The following IL1RAPL2 variants were observed in gnomAD, a reference collection of about 807,000 sequenced individuals.
The protein encoded by IL1RAPL2 is X-linked interleukin-1 receptor accessory protein-like 2.
In IL1RAPL2, 3 loss-of-function variants were observed where a neutral mutation model predicts 44.1. That is an observed-to-expected ratio of 0.07 (90% CI 0.03 to 0.18). IL1RAPL2 has a LOEUF of 0.18. Ranked by LOEUF, IL1RAPL2 falls within the 10% of genes least tolerant of loss-of-function variation. IL1RAPL2 has a pLI of 1.00. For synonymous variants in IL1RAPL2, 181 were observed against 178.8 expected (o/e 1.01, Z -0.10); for missense variants, 391 against 496.4 (o/e 0.79, Z 2.02).
chrX:104,891,761 C>G (rs945722657), intron 2 of IL1RAPL2, among the ~76,000 whole-genome samples: 3 of 111,639 alleles, frequency 2.7e-5, no homozygotes, highest in African/African-American at 9.8e-5. Context: ...TTGACTTCCT[C>G]TTTTCCTAAT....
intron 1 of IL1RAPL2, among the ~76,000 whole-genome samples, chrX:104,571,834 CAG>C (rs1040103069): frequency 8.9e-6 from 1 of 111,850 alleles, no homozygotes; most frequent in African/African-American, 3.2e-5. Context: ...TTGCCTAACC[CAG>C]AGAGTCCATA....
chrX:105,405,963 G>T (rs1260967733), intron 5 of IL1RAPL2: 5 of 1,193,227 alleles, frequency 4.2e-6, no homozygotes, highest in Non-Finnish European at 5.7e-6. Flanking sequence ...ATCATTTATT[G>T]ATCCTCAGAC....
intron 6 of IL1RAPL2, among the ~76,000 whole-genome samples, chrX:105,678,197 A>G (rs1157350528): frequency 8.9e-6 from 1 of 112,399 alleles, no homozygotes; most frequent in Non-Finnish European, 1.9e-5. Context: ...ACACATGAGC[A>G]ATAAACTTTT....
intron 2 of IL1RAPL2, among the ~76,000 whole-genome samples, chrX:105,120,596 G>A (rs193042542): frequency 2.3e-3 from 259 of 111,475 alleles, no homozygotes; most frequent in Admixed American, 5.2e-3. Flanking sequence ...ATATATTGTG[G>A]ACTGAGGATC....
At chrX:105,202,760 C>T (rs563377108) in intron 3 of IL1RAPL2, among the ~76,000 whole-genome samples, 9 of 111,629 alleles carry the variant, frequency 8.1e-5, no homozygotes, top group African/African-American at 2.9e-4. Flanking sequence ...TTTCTCCCTT[C>T]ATCTTACTCG....
Position 104,836,897 on chromosome X carries a change from A to G in IL1RAPL2, c.82+177902A>G, listed in dbSNP as rs142311988. Among the ~76,000 whole-genome samples, 113 of 109,426 alleles carry G rather than the reference A, an allele frequency of 1.0e-3. 2 individuals are homozygous for G. Among genetic ancestry groups the G allele is most frequent in the Admixed American group, 9.2e-3 (93 of 10,121 alleles). On this transcript the variant is annotated intron_variant, in intron 2 of 10. Coordinates refer to ENST00000372582, the MANE Select transcript of IL1RAPL2 (RefSeq NM_017416.2). ...AATGCTCTCCATCCTCTTACCCCCT[A>G]TCCCTAATAATGGCCCCAGTATGTG... is the stretch of plus-strand genomic sequence containing the variant.
At chrX:105,253,524 G>A (rs1200549333) in intron 4 of IL1RAPL2, among the ~76,000 whole-genome samples, 1 of 110,525 alleles carries the variant, frequency 9.0e-6, no homozygotes, top group Non-Finnish European at 1.9e-5. Context: ...CCCAATCTGG[G>A]AAATATAAAA....
intron 6 of IL1RAPL2, among the ~76,000 whole-genome samples, chrX:105,563,336 T>C (rs1333301058): frequency 9.0e-6 from 1 of 111,495 alleles, no homozygotes; most frequent in Non-Finnish European, 1.9e-5. Context: ...AATCCCATCC[T>C]TGTAGTCACT....
rs183247005 is a variant in IL1RAPL2 at position 105,002,891 on chromosome X, C to G, written c.83-192584C>G. 8.1e-5 allele frequency among the ~76,000 whole-genome samples: 9 copies of G among 111,374 alleles called. No individual in the cohort carries two copies. The Admixed American group carries it at 8.6e-4, about 11-fold the overall frequency. ...AACACCATCATAATATTATGTCATG[C>G]ATAATTTATTATTGAAATCCTGTGT... On this transcript the variant is annotated intron_variant, in intron 2 of 10. Coordinates refer to ENST00000372582, the MANE Select transcript of IL1RAPL2 (RefSeq NM_017416.2).
intron 2 of IL1RAPL2, among the ~76,000 whole-genome samples, chrX:105,077,815 C>T (rs1419672366): frequency 8.9e-6 from 1 of 112,035 alleles, no homozygotes; most frequent in Non-Finnish European, 1.9e-5. Context: ...GATACCCTTT[C>T]TTCCAGTTGA....
intron 5 of IL1RAPL2, among the ~76,000 whole-genome samples, chrX:105,449,987 C>T (rs1481916241): frequency 8.9e-6 from 1 of 111,740 alleles, no homozygotes; most frequent in Non-Finnish European, 1.9e-5. Flanking sequence ...GCAGTGAGTT[C>T]CCCAAGGACC....
At chrX:105,152,364 ACTT>A (rs779889478) in intron 2 of IL1RAPL2, among the ~76,000 whole-genome samples, 1 of 111,813 alleles carries the variant, frequency 8.9e-6, no homozygotes, top group African/African-American at 3.2e-5. Flanking sequence ...TAACAAGGAA[ACTT>A]CTTATTATTT....
chrX:104,850,621 T>TTTTAAAAG (rs1922199973), intron 2 of IL1RAPL2, among the ~76,000 whole-genome samples: 1 of 111,869 alleles, frequency 8.9e-6, no homozygotes, highest in Non-Finnish European at 1.9e-5. Flanking sequence ...TAAGTTCACA[T>TTTTAAAAG]TTTAAAAGTT....
intron 2 of IL1RAPL2, among the ~76,000 whole-genome samples, chrX:105,159,023 T>G (rs1365746980): frequency 8.9e-6 from 1 of 112,304 alleles, no homozygotes. Flanking sequence ...GGAGTTCTAC[T>G]ATTTATGGTG....
chrX:105,129,775 C>A (rs777384615), intron 2 of IL1RAPL2, among the ~76,000 whole-genome samples: 4 of 109,330 alleles, frequency 3.7e-5, no homozygotes, highest in East Asian at 5.8e-4. Flanking sequence ...GGTGTAGATG[C>A]CCTCACCATC....
At chrX:105,072,823 T>C (rs990474960) in intron 2 of IL1RAPL2, among the ~76,000 whole-genome samples, 1 of 109,627 alleles carries the variant, frequency 9.1e-6, no homozygotes, top group African/African-American at 3.3e-5. Context: ...TGGTGTGTGA[T>C]GTTCCCATCT....
chrX:104,919,167 C>T (rs1425248208), intron 2 of IL1RAPL2, among the ~76,000 whole-genome samples: 1 of 110,591 alleles, frequency 9.0e-6, no homozygotes, highest in Non-Finnish European at 1.9e-5. Context: ...TCTTATGCTA[C>T]ACTTCAGGTC....
chrX:105,554,349 A>G (rs1053029002), intron 6 of IL1RAPL2, among the ~76,000 whole-genome samples: 4 of 112,615 alleles, frequency 3.6e-5, no homozygotes, highest in African/African-American at 9.7e-5. Flanking sequence ...TTTGATTACA[A>G]TAATTTTTAA....
At chrX:104,897,157 T>G (rs1292016194) in intron 2 of IL1RAPL2, among the ~76,000 whole-genome samples, 1 of 112,014 alleles carries the variant, frequency 8.9e-6, no homozygotes, top group Admixed American at 9.5e-5. Context: ...GCTCAGCTGG[T>G]CACTTATCAG....
Sources: gnomAD v4.1 joint callset for allele counts (sites outside exome capture counted in the v4.1 genomes callset) on GRCh38, gnomAD v4.1.1 for gene constraint, MANE v1.5 for transcripts, NCBI Gene and HGNC (gene_info 2026-07-23, HGNC 2026-07-21) for gene names.